The following ARK2N variants were observed in gnomAD, a reference collection of about 807,000 sequenced individuals.
The protein encoded by ARK2N is protein ARK2N.
At chr18:46,262,829 A>G in the ARK2N span, 4 of 1,226,744 alleles carry the variant, frequency 3.3e-6, no homozygotes, top group African/African-American at 4.5e-5. Context: ...TACTAGGTTT[A>G]TCTTAGTAAA....
chr18:46,256,490 C>A, the ARK2N span, among the ~76,000 whole-genome samples: 2 of 152,050 alleles, frequency 1.3e-5, no homozygotes, highest in African/African-American at 4.8e-5. Context: ...AATTTAAATT[C>A]TCAGTTCTCC....
the ARK2N span, among the ~76,000 whole-genome samples, chr18:46,250,709 T>G: frequency 6.6e-6 from 1 of 152,146 alleles, no homozygotes; most frequent in South Asian, 2.1e-4. Flanking sequence ...ACCCTCTGCT[T>G]AAATGGTTCA....
At chr18:46,234,466 T>C in the ARK2N span, among the ~76,000 whole-genome samples, 1 of 152,162 alleles carries the variant, frequency 6.6e-6, no homozygotes, top group Non-Finnish European at 1.5e-5. Flanking sequence ...CCCAAAGTGC[T>C]GGATTACAGG....
chr18:46,222,223 A>G, the ARK2N span, among the ~76,000 whole-genome samples: 6 of 152,208 alleles, frequency 3.9e-5, no homozygotes, highest in African/African-American at 1.4e-4. Flanking sequence ...AAGCAGTGAT[A>G]TGTTAAGTTT....
chr18:46,183,325 A>G, the ARK2N span, among the ~76,000 whole-genome samples: 1 of 152,076 alleles, frequency 6.6e-6, no homozygotes, highest in Non-Finnish European at 1.5e-5. Context: ...TTTTTCTCTG[A>G]CCCCTGGGTT....
the ARK2N span, among the ~76,000 whole-genome samples, chr18:46,191,541 A>G: frequency 6.6e-6 from 1 of 152,168 alleles, no homozygotes; most frequent in Non-Finnish European, 1.5e-5. Context: ...ATTGATTAAT[A>G]CGGAGAGTCT....
chr18:46,191,381 A>G, the ARK2N span, among the ~76,000 whole-genome samples: 2 of 151,126 alleles, frequency 1.3e-5, no homozygotes, highest in Admixed American at 6.6e-5. Context: ...TGGGGTCTCT[A>G]CAAAACTTCA....
chr18:46,240,065 TA>T, the ARK2N span: 9 of 1,614,226 alleles, frequency 5.6e-6, no homozygotes, highest in Non-Finnish European at 7.6e-6. Flanking sequence ...CCAGAAGTGG[TA>T]AATGTGGACA....
chr18:46,263,152 C>T, the ARK2N span: 3 of 1,533,782 alleles, frequency 2.0e-6, no homozygotes, highest in East Asian at 2.4e-5. Context: ...GCACTGTTCC[C>T]TTCCACTTCC....
chr18:46,254,478 G>A, the ARK2N span, among the ~76,000 whole-genome samples: 1 of 152,112 alleles, frequency 6.6e-6, no homozygotes, highest in African/African-American at 2.4e-5. Context: ...GGCCAATTCT[G>A]GCCTGCTGCC....
chr18:46,208,553 T>A, the ARK2N span, among the ~76,000 whole-genome samples: 1 of 140,086 alleles, frequency 7.1e-6, no homozygotes, highest in Non-Finnish European at 1.5e-5. Context: ...CACTGCAGCC[T>A]CTGCCTCCCA....
At chr18:46,264,404 T>TA in the ARK2N span, 2 of 152,800 alleles carry the variant, frequency 1.3e-5, no homozygotes, top group South Asian at 4.1e-4. Context: ...AGTGAAGTAA[T>TA]ATTGGCTTAG....
At chr18:46,251,029 G>C in the ARK2N span, among the ~76,000 whole-genome samples, 1 of 152,208 alleles carries the variant, frequency 6.6e-6, no homozygotes, top group Non-Finnish European at 1.5e-5. Flanking sequence ...ATTGAGGGTA[G>C]AGACTATGCC....
At chr18:46,217,594 A>G in the ARK2N span, 5 of 152,342 alleles carry the variant, frequency 3.3e-5, no homozygotes, top group South Asian at 1.0e-3. Flanking sequence ...TTGCTGATAT[A>G]CAAAGAACAT....
chr18:46,259,966 C>T, the ARK2N span, among the ~76,000 whole-genome samples: 1 of 136,360 alleles, frequency 7.3e-6, no homozygotes, highest in Non-Finnish European at 1.6e-5. Context: ...AGTGATCCTC[C>T]CGTCTCACCC....
At chr18:46,175,603 A>G in the ARK2N span, among the ~76,000 whole-genome samples, 4 of 151,654 alleles carry the variant, frequency 2.6e-5, no homozygotes, top group African/African-American at 7.3e-5. Flanking sequence ...ACATGGTTCA[A>G]GCAGTTATCC....
At chr18:46,177,431 CTTT>C in the ARK2N span, among the ~76,000 whole-genome samples, 1,932 of 89,334 alleles carry the variant, frequency 0.022, 42 homozygotes, top group African/African-American at 0.073. Flanking sequence ...TTTTTCTTTA[CTTT>C]TTTTTTTTTT....
the ARK2N span, among the ~76,000 whole-genome samples, chr18:46,182,846 A>T: frequency 3.2e-4 from 49 of 152,076 alleles, no homozygotes; most frequent in Non-Finnish European, 6.6e-4. Flanking sequence ...CTATTTATAG[A>T]GTTTATATCA....
the ARK2N span, among the ~76,000 whole-genome samples, chr18:46,186,335 A>G: frequency 6.6e-6 from 1 of 151,302 alleles, no homozygotes; most frequent in Non-Finnish European, 1.5e-5. Context: ...GGTTGGGACT[A>G]CAGGTGCACG....
Sources: allele counts gnomAD v4.1 joint callset (sites outside exome capture counted in the v4.1 genomes callset), GRCh38; gene constraint gnomAD v4.1.1; transcripts MANE v1.5; gene names NCBI Gene and HGNC (gene_info 2026-07-23, HGNC 2026-07-21).